PDE4D: variants seen among roughly 807,000 people sequenced by gnomAD.
The protein encoded by PDE4D is 3',5'-cyclic-AMP phosphodiesterase 4D.
PDE4D carries 24 observed loss-of-function variants against 87.4 expected under a neutral mutation model. That is an observed-to-expected ratio of 0.27 (90% CI 0.20 to 0.39). The LOEUF (loss-of-function observed/expected upper bound fraction) is 0.39, where lower values mean the gene tolerates loss of function less well. Ranked by LOEUF, PDE4D falls within the 10% of genes least tolerant of loss-of-function variation. The pLI is 1.00. For synonymous variants in PDE4D, 384 were observed against 383.2 expected (o/e 1.00, Z -0.02); for missense variants, 714 against 1,041.0 (o/e 0.69, Z 4.32).
intron 1 of PDE4D, among the ~76,000 whole-genome samples, chr5:59,377,888 TA>T (rs1036652895): frequency 1.3e-5 from 2 of 152,124 alleles, no homozygotes; most frequent in African/African-American, 4.8e-5. Context: ...CTCAAAGACC[TA>T]AAAAAGAAAT....
Position 59,249,834 on chromosome 5 carries a change from C to T in PDE4D, c.456-33866G>A, listed in dbSNP as rs531614032. On this transcript the variant is annotated intron_variant, in intron 1 of 14. Coordinates refer to ENST00000340635, the MANE Select transcript of PDE4D (RefSeq NM_001104631.2). ...TATTTGTATTTTTATTTTTTCTATA[C>T]GTGTGTCGTATTGTGTGTGTGTGTA... Among the ~76,000 whole-genome samples, 5 of 151,786 alleles carry T rather than the reference C, an allele frequency of 3.3e-5. No individual in the cohort carries two copies. The South Asian group carries it at 6.3e-4, about 19-fold the overall frequency.
At chr5:59,675,975 A>T (rs1289189240) in intron 1 of PDE4D, among the ~76,000 whole-genome samples, 1 of 152,146 alleles carries the variant, frequency 6.6e-6, no homozygotes, top group Non-Finnish European at 1.5e-5. Context: ...TACAGGCATG[A>T]GCCACCACAC....
chr5:59,112,167 G>A (rs1161323286), intron 5 of PDE4D, among the ~76,000 whole-genome samples: 2 of 152,130 alleles, frequency 1.3e-5, no homozygotes, highest in African/African-American at 2.4e-5. Flanking sequence ...AGATACCGGG[G>A]GAAAGAGCAC....
intron 1 of PDE4D, among the ~76,000 whole-genome samples, chr5:59,761,861 GTATAATA>G (rs1171018430): frequency 2.6e-5 from 4 of 152,066 alleles, no homozygotes; most frequent in Admixed American, 1.3e-4. Flanking sequence ...TTATTATTAA[GTATAATA>G]TATAACTATA....
chr5:59,611,291 G>A (rs1828972835), intron 1 of PDE4D, among the ~76,000 whole-genome samples: 2 of 152,008 alleles, frequency 1.3e-5, no homozygotes, highest in Non-Finnish European at 1.5e-5. Flanking sequence ...CTTTCATAAG[G>A]GCACTAATCC....
chr5:60,330,532 C>T (rs188390717), intron 1 of PDE4D, among the ~76,000 whole-genome samples: 84 of 152,230 alleles, frequency 5.5e-4, no homozygotes, highest in African/African-American at 1.7e-3. Flanking sequence ...CAGGACAGCA[C>T]ACTGACCATT....
At chr5:59,171,814 T>C (rs980858089) in intron 5 of PDE4D, among the ~76,000 whole-genome samples, 11 of 135,886 alleles carry the variant, frequency 8.1e-5, no homozygotes, top group African/African-American at 3.1e-4. Flanking sequence ...AAATATATAA[T>C]ATAATTATTT....
At chr5:59,102,081 C>G (rs1417361220) in intron 5 of PDE4D, among the ~76,000 whole-genome samples, 1 of 96,186 alleles carries the variant, frequency 1.0e-5, no homozygotes, top group Non-Finnish European at 2.0e-5. Context: ...TTTTTCCCTA[C>G]TTTTTTTTTT....
chr5:60,497,975 A>T (rs1296132478), intron 1 of PDE4D, among the ~76,000 whole-genome samples: 3 of 152,146 alleles, frequency 2.0e-5, no homozygotes, highest in East Asian at 3.9e-4. Flanking sequence ...GAAATCCATA[A>T]ATTTCTCCTT....
intron 1 of PDE4D, among the ~76,000 whole-genome samples, chr5:60,477,101 G>A (rs1748389364): frequency 6.6e-6 from 1 of 152,102 alleles, no homozygotes; most frequent in Non-Finnish European, 1.5e-5. Flanking sequence ...TGTAGAATAG[G>A]CAGGAAGAAA....
At chr5:59,114,883 G>A (rs962157791) in intron 5 of PDE4D, among the ~76,000 whole-genome samples, 6 of 147,130 alleles carry the variant, frequency 4.1e-5, no homozygotes, top group Admixed American at 4.0e-4. Flanking sequence ...AGGAATAAGT[G>A]GGGGGAAAAG....
At chr5:59,757,635 G>A (rs991136686) in intron 1 of PDE4D, among the ~76,000 whole-genome samples, 3 of 152,142 alleles carry the variant, frequency 2.0e-5, no homozygotes, top group African/African-American at 7.2e-5. Flanking sequence ...GCAGTTTGCT[G>A]TTCTGTTGCT....
intron 1 of PDE4D, among the ~76,000 whole-genome samples, chr5:60,214,660 T>G (rs538815942): frequency 6.6e-6 from 1 of 152,162 alleles, no homozygotes; most frequent in African/African-American, 2.4e-5. Context: ...CATGACATAT[T>G]ATGGACAAGT....
At chr5:59,924,395 A>T (rs1037752989) in intron 3 of PDE4D, among the ~76,000 whole-genome samples, 4 of 152,184 alleles carry the variant, frequency 2.6e-5, no homozygotes, top group Admixed American at 6.5e-5. Context: ...TAGAACACCA[A>T]GCAGATTTAA....
intron 1 of PDE4D, among the ~76,000 whole-genome samples, chr5:59,304,167 G>A (rs910330646): frequency 1.3e-5 from 2 of 151,990 alleles, no homozygotes; most frequent in Non-Finnish European, 2.9e-5. Flanking sequence ...ATTGTAAAAT[G>A]GGTTGAGTTC....
At chr5:59,139,566 C>T (rs984029399) in intron 5 of PDE4D, among the ~76,000 whole-genome samples, 2 of 152,152 alleles carry the variant, frequency 1.3e-5, no homozygotes, top group Non-Finnish European at 2.9e-5. Context: ...CGGCTCACTG[C>T]AGTCTCAACC....
intron 2 of PDE4D, among the ~76,000 whole-genome samples, chr5:60,058,787 C>A (rs1175591039): frequency 6.6e-6 from 1 of 151,854 alleles, no homozygotes; most frequent in Middle Eastern, 3.2e-3. Flanking sequence ...AATTAAAAGG[C>A]AGTATTGTCA....
intron 1 of PDE4D, among the ~76,000 whole-genome samples, chr5:59,681,290 T>C (rs1027300516): frequency 6.6e-6 from 1 of 152,114 alleles, no homozygotes; most frequent in Non-Finnish European, 1.5e-5. Flanking sequence ...ATAATGATAT[T>C]AACCAACAAT....
chr5:59,836,985 C>T (rs1033533482), intron 1 of PDE4D, among the ~76,000 whole-genome samples: 13 of 151,884 alleles, frequency 8.6e-5, no homozygotes, highest in Non-Finnish European at 1.6e-4. Flanking sequence ...TCTATCATAA[C>T]GTCGAGGCAT....
Sources: allele counts gnomAD v4.1 joint callset (sites outside exome capture counted in the v4.1 genomes callset), GRCh38; gene constraint gnomAD v4.1.1; transcripts MANE v1.5; gene names NCBI Gene and HGNC (gene_info 2026-07-23, HGNC 2026-07-21).